The following ADAM23 variants were observed in gnomAD, a reference collection of about 807,000 sequenced individuals.
The protein encoded by ADAM23 is disintegrin and metalloproteinase domain-containing protein 23.
Under a neutral mutation model 120.1 loss-of-function variants are expected in ADAM23, and 33 were observed. The observed-to-expected ratio is 0.27, with a 90% confidence interval of 0.21 to 0.37. The LOEUF is 0.37. Among genes scored for constraint, ADAM23 ranks in the 10% least tolerant of loss-of-function variants. The pLI is 1.00. For synonymous variants in ADAM23, 367 were observed against 375.2 expected, an observed-to-expected ratio of 0.98 and a Z score of 0.25; for missense variants, 862 against 1,058.2, an observed-to-expected ratio of 0.81 and a Z score of 2.57.
intron 14 of ADAM23, among the ~76,000 whole-genome samples, chr2:206,566,314 A>G (rs1365692829): frequency 1.3e-5 from 2 of 151,954 alleles, no homozygotes; most frequent in African/African-American, 4.8e-5. Flanking sequence ...GTTCCTATCA[A>G]CAGTGGCAGG....
intron 3 of ADAM23, among the ~76,000 whole-genome samples, chr2:206,522,017 C>T (rs1696853197): frequency 6.6e-6 from 1 of 152,058 alleles, no homozygotes; most frequent in African/African-American, 2.4e-5. Context: ...TATGATTGAT[C>T]ACCATGAATA....
chr2:206,534,905 G>A (rs572179518), intron 4 of ADAM23, among the ~76,000 whole-genome samples: 69 of 151,960 alleles, frequency 4.5e-4, no homozygotes, highest in Admixed American at 1.8e-3. Flanking sequence ...GGAAGGAAGA[G>A]CGGCTTGACT....
At chr2:206,548,247 A>T (rs376198281) in intron 7 of ADAM23, 34 bp from the exon 8 acceptor site, 111 of 1,584,564 alleles carry the variant, frequency 7.0e-5, no homozygotes, top group Admixed American at 1.7e-5. Flanking sequence ...TGAAATAAGC[A>T]TAAAATTTTG....
chr2:206,599,968 A>G (rs61180768), intron 24 of ADAM23, among the ~76,000 whole-genome samples: 7,358 of 152,228 alleles, frequency 0.048, 581 homozygotes, highest in African/African-American at 0.17. Flanking sequence ...TTGGGAGGCC[A>G]AGGCGGGCGG....
At chr2:206,476,879 C>T (rs567487775) in intron 2 of ADAM23, among the ~76,000 whole-genome samples, 13 of 152,170 alleles carry the variant, frequency 8.5e-5, no homozygotes, top group South Asian at 4.2e-4. Context: ...GTTATGGGTA[C>T]GCTCTACAGA....
intron 9 of ADAM23, among the ~76,000 whole-genome samples, chr2:206,556,771 C>T (rs1350816290): frequency 6.6e-6 from 1 of 152,100 alleles, no homozygotes; most frequent in African/African-American, 2.4e-5. Flanking sequence ...TTTGAGCAGT[C>T]AAAAGCAAAT....
At chr2:206,477,709 T>C (rs1695801263) in intron 2 of ADAM23, among the ~76,000 whole-genome samples, 1 of 151,814 alleles carries the variant, frequency 6.6e-6, no homozygotes, top group South Asian at 2.1e-4. Flanking sequence ...AACAATACTG[T>C]AGGTAGTCTT....
At chr2:206,563,009 C>T (rs1697800406) in intron 13 of ADAM23, among the ~76,000 whole-genome samples, 1 of 152,110 alleles carries the variant, frequency 6.6e-6, no homozygotes, top group African/African-American at 2.4e-5. Flanking sequence ...TCTGAAGGGT[C>T]CATGAAAAAT....
intron 18 of ADAM23, among the ~76,000 whole-genome samples, chr2:206,577,087 T>G (rs931558612): frequency 2.0e-5 from 3 of 152,046 alleles, no homozygotes; most frequent in South Asian, 2.1e-4. Flanking sequence ...GTGCACAGAT[T>G]TATGGTTTTC....
intron 2 of ADAM23, among the ~76,000 whole-genome samples, chr2:206,448,128 A>G (rs1297492010): frequency 6.6e-6 from 1 of 152,190 alleles, no homozygotes; most frequent in Admixed American, 6.5e-5. Context: ...GTGATGTATA[A>G]CCAGTTGTCC....
chr2:206,587,469 G>T, intron 19 of ADAM23, 94 bp downstream of exon 19: 4 of 990,362 alleles, frequency 4.0e-6, no homozygotes, highest in South Asian at 1.9e-5. Context: ...TAACTTTGAA[G>T]GGAATTTTAC....
chr2:206,587,125 G>A (rs555562059), intron 18 of ADAM23, among the ~76,000 whole-genome samples, 200 bp from the exon 19 acceptor site: 1 of 152,290 alleles, frequency 6.6e-6, no homozygotes, highest in East Asian at 1.9e-4. Flanking sequence ...TAAAATGCAT[G>A]CACTGTGTGG....
intron 24 of ADAM23, chr2:206,609,688 T>C: frequency 2.1e-6 from 1 of 478,300 alleles, no homozygotes; most frequent in South Asian, 2.9e-5. Context: ...TGGAACTTAA[T>C]TGTCAATGGT....
chr2:206,601,475 T>G (rs1233700423), intron 24 of ADAM23, among the ~76,000 whole-genome samples: 1 of 152,142 alleles, frequency 6.6e-6, no homozygotes, highest in Non-Finnish European at 1.5e-5. Flanking sequence ...ACTCCTGTTT[T>G]GAAGTTGAAT....
chr2:206,578,134 A>G (rs892878828), intron 18 of ADAM23, among the ~76,000 whole-genome samples: 4 of 152,096 alleles, frequency 2.6e-5, no homozygotes, highest in African/African-American at 4.8e-5. Context: ...TCTAATAGCA[A>G]TATTGCTTTT....
chr2:206,496,310 C>CACA, intron 3 of ADAM23, among the ~76,000 whole-genome samples: 1 of 152,210 alleles, frequency 6.6e-6, no homozygotes, highest in South Asian at 2.1e-4. Flanking sequence ...TCTCTCAGAC[C>CACA]ACAGTGCAAT....
chr2:206,469,141 A>G (rs1695603660), intron 2 of ADAM23, among the ~76,000 whole-genome samples: 2 of 152,228 alleles, frequency 1.3e-5, no homozygotes, highest in African/African-American at 4.8e-5. Flanking sequence ...GGTGGGGTAC[A>G]GGTCCAAACC....
In ADAM23 at chr2:206,594,822, G is replaced by A. The variant is rs2105851192; in HGVS notation, c.2164G>A (p.Asp722Asn). 1 of 1,614,228 alleles carries A rather than the reference G, an allele frequency of 6.2e-7. No individual in the cohort carries two copies. The highest frequency in any genetic ancestry group is 1.7e-5 in the Admixed American group (1 of 60,024). ...ATGTGGCCCGTCTATGATGTGTTTA[G>A]ATCGGAAGTGCCTACAAATTCAAGC... The part of the protein sequence containing the change: ...TPCGPSMMCL[D>N]RKCLQIQALN... The change falls in exon 23 of 26, where the codon GAT becomes AAT. Residue 722 changes from aspartate (D) to asparagine (N), a missense_variant. Coordinates refer to ENST00000264377, the MANE Select transcript of ADAM23 (RefSeq NM_003812.4).
chr2:206,611,967 G>C (rs978029971), intron 25 of ADAM23, among the ~76,000 whole-genome samples: 1 of 152,166 alleles, frequency 6.6e-6, no homozygotes, highest in Non-Finnish European at 1.5e-5. Flanking sequence ...CTGCTGAGCT[G>C]AGTCAAAGCC....
Sources: allele counts gnomAD v4.1 joint callset (sites outside exome capture counted in the v4.1 genomes callset), GRCh38; gene constraint gnomAD v4.1.1; transcripts MANE v1.5; gene names NCBI Gene and HGNC (gene_info 2026-07-23, HGNC 2026-07-21).